EPCAM: variants seen among roughly 807,000 people sequenced by gnomAD.
EPCAM encodes the protein epithelial cell adhesion molecule.
Under a neutral mutation model 40.0 loss-of-function variants are expected in EPCAM, and 39 were observed. The observed-to-expected ratio is 0.98, with a 90% CI of 0.76 to 1.27. The LOEUF (loss-of-function observed/expected upper bound fraction) is 1.27. Among genes scored for constraint, EPCAM ranks in the 50% most tolerant of loss-of-function variants. The pLI is 0.00. For synonymous variants in EPCAM, 168 were observed against 132.3 expected, an observed-to-expected ratio of 1.27 and a Z score of -1.85; for missense variants, 503 against 381.2, an observed-to-expected ratio of 1.32 and a Z score of -2.66.
chr2:47,383,717 C>T (rs1021255082), intron 7 of EPCAM, among the ~76,000 whole-genome samples: 10 of 142,862 alleles, frequency 7.0e-5, no homozygotes, highest in Admixed American at 2.2e-4. Flanking sequence ...TCACTGCAAC[C>T]TCCATCTCCC....
intron 6 of EPCAM, 138 bp from the exon 7 acceptor site, chr2:47,379,631 A>G (rs1671527035): frequency 3.9e-6 from 4 of 1,021,288 alleles, no homozygotes; most frequent in Non-Finnish European, 5.7e-6. Flanking sequence ...TTAAAGTTCC[A>G]ATAAATTAGA....
At position 47,377,016 on chromosome 2, in the gene EPCAM, C is replaced by T. The variant is rs766261189; in HGVS notation, c.494C>T (p.Ala165Val). ...TACAGATTTTAAATTCTTTACAGTG[C>T]ACTTCAGAAGGAGATCACAACGCGT... ...KPYDSKSLRT[A>V]LQKEITTRYQ... Residue 165 changes from alanine to valine, a missense_variant and splice_region_variant, in exon 5 of 9, where the codon GCA (alanine) becomes GTA (valine). Coordinates refer to ENST00000263735, the MANE Select transcript of EPCAM (RefSeq NM_002354.3). 1 of 1,600,270 alleles carries T rather than the reference C, an allele frequency of 6.2e-7. No homozygotes were observed. Among genetic ancestry groups the T allele is most frequent in the Admixed American group, 1.7e-5 (1 of 59,978 alleles).
At chr2:47,375,561 A>G (rs982583276) in intron 4 of EPCAM, among the ~76,000 whole-genome samples, 7 of 152,172 alleles carry the variant, frequency 4.6e-5, no homozygotes, top group African/African-American at 1.7e-4. Flanking sequence ...GTATCTATGC[A>G]TGTATAAATA....
At position 47,375,240 on chromosome 2, in the gene EPCAM, C is replaced by T. The variant is rs2103749994; in HGVS notation, c.432C>T (p.Ile144=). 5 of 1,607,554 alleles carry T rather than the reference C, an allele frequency of 3.1e-6. No homozygotes were observed. Among genetic ancestry groups the T allele is most frequent in the Non-Finnish European group, 4.3e-6 (5 of 1,174,292 alleles). The change falls in exon 4 of 9, where the codon ATC becomes ATT. Residue 144 remains isoleucine, a synonymous_variant. Transcript: ENST00000263735. ...TCSERVRTYW[I]IIELKHKARE... ...TTGTCTTTTTACTTTATAGCTGGAT[C>T]ATCATTGAACTAAAACACAAAGCAA...
At chr2:47,377,535 C>A (rs1472431343) in intron 5 of EPCAM, 1 of 241,088 alleles carries the variant, frequency 4.1e-6, no homozygotes, top group East Asian at 1.2e-4. Context: ...CCACGCCCGG[C>A]CCATTGTTTT....
intron 7 of EPCAM, among the ~76,000 whole-genome samples, chr2:47,383,728 A>G (rs1425489832): frequency 2.2e-5 from 3 of 136,988 alleles, no homozygotes; most frequent in Admixed American, 8.0e-5. Context: ...TCCATCTCCC[A>G]GGTTCAAGCC....
At chr2:47,370,536 A>C (rs889535197) in intron 1 of EPCAM, among the ~76,000 whole-genome samples, 1 of 150,976 alleles carries the variant, frequency 6.6e-6, no homozygotes, top group Admixed American at 6.6e-5. Flanking sequence ...CGGCCTCCCA[A>C]AGTGCTGTGA....
chr2:47,373,223 A>C (rs940687063), intron 1 of EPCAM, among the ~76,000 whole-genome samples: 1 of 150,164 alleles, frequency 6.7e-6, no homozygotes, highest in Non-Finnish European at 1.5e-5. Flanking sequence ...AAAAAAAAAA[A>C]AAAAAAAAAA....
At position 47,386,907 on chromosome 2, in the gene EPCAM, T is replaced by C. The variant is rs1349002874; in HGVS notation, c.*294T>C. On this transcript the variant is annotated 3_prime_UTR_variant, in exon 9 of 9. Transcript: ENST00000263735. ...TTCAAATGTGTGCATTAAATATGCT[T>C]CCACAGTAAAATCTGAAAAACTGAT... 2 of 285,866 alleles carry C rather than the reference T, an allele frequency of 7.0e-6. No homozygotes were observed. The highest frequency in any genetic ancestry group is 1.3e-5 in the Non-Finnish European group (2 of 153,246). 17.7% of individuals were successfully genotyped at this position (285,866 alleles called of 1,614,324 possible). A position where few individuals can be genotyped will look rare whatever the true frequency, so the allele number is the denominator to read the frequency against.
intron 1 of EPCAM, among the ~76,000 whole-genome samples, chr2:47,371,078 C>T (rs74674972): frequency 6.6e-6 from 1 of 152,176 alleles, no homozygotes; most frequent in Non-Finnish European, 1.5e-5. Flanking sequence ...CTCCTGGGCT[C>T]AAGTGATCAC....
intron 7 of EPCAM, 26 bp downstream of exon 7, chr2:47,379,995 A>T: frequency 1.3e-6 from 2 of 1,584,808 alleles, no homozygotes; most frequent in South Asian, 2.3e-5. Flanking sequence ...GTAAAATTTC[A>T]TTTAAGGGTA....
intron 8 of EPCAM, 71 bp downstream of exon 8, chr2:47,385,281 C>A: frequency 8.3e-7 from 1 of 1,206,894 alleles, no homozygotes; most frequent in Non-Finnish European, 1.2e-6. Context: ...TACCTTCCTA[C>A]ACACTGATGC....
rs1228124530 is a variant in EPCAM, at chr2:47,375,899, T to A, written c.491+600T>A. Among the ~76,000 whole-genome samples the A allele has an allele frequency of 6.6e-5, 10 of 152,088 alleles. No individual in the cohort carries two copies. In the East Asian group the frequency reaches 1.7e-3, roughly 26 times the overall value. ...TTTTGTAGTTTTAGTAGAAACAGGG[T>A]TTCACCATATTGGCCAGGCTGGTCT... On this transcript the variant is annotated intron_variant, in intron 4 of 8. Coordinates refer to ENST00000263735, the MANE Select transcript of EPCAM (RefSeq NM_002354.3).
rs989081426 is a variant in EPCAM, at chr2:47,379,462, A to G, written c.658-307A>G. ...TGCTGAAATATGAGGTTTGCTTCAA[A>G]ATAATCTGGGCGGGGGTGAAAGGAT... On this transcript the variant is annotated intron_variant, in intron 6 of 8. Coordinates refer to ENST00000263735, the MANE Select transcript of EPCAM (RefSeq NM_002354.3). Among the ~76,000 whole-genome samples the G allele has an allele frequency of 2.0e-5, 3 of 152,186 alleles. 1 individual carries two copies. In the East Asian group the frequency reaches 5.8e-4, roughly 29 times the overall value.
intron 8 of EPCAM, 102 bp downstream of exon 8, chr2:47,385,312 C>G (rs1194007038): frequency 3.2e-6 from 3 of 948,648 alleles, no homozygotes; most frequent in Admixed American, 1.7e-5. Context: ...TACTGGAGTC[C>G]CTTTATACTG....
Position 47,381,090 on chromosome 2 carries a change from A to T in EPCAM, c.858+1121A>T, listed in dbSNP as rs1438561249. On this transcript the variant is annotated intron_variant, in intron 7 of 8. Transcript: ENST00000263735. ...GACAGAGCAAGACTCTGTCTCAAAA[A>T]AAAAAAAAAAAAAAAAAAAAAAAAG... is the stretch of plus-strand genomic sequence containing the variant. Among the ~76,000 whole-genome samples the T allele has an allele frequency of 1.7e-4, 11 of 65,574 alleles. No individual in the cohort carries two copies. In the East Asian group the frequency reaches 9.5e-3, roughly 56 times the overall value. The allele number at this position is 65,574 out of a possible 152,430, so 43.0% of individuals were successfully genotyped here.
chr2:47,374,457 T>C lies in EPCAM; in HGVS notation c.425+409T>C, dbSNP rs191350942. ...TGAGATATGCTTGTTTTAGGGATTG[T>C]TTAATGAAAAGGCACAGAAACCCAC... is the stretch of plus-strand genomic sequence containing the variant. On this transcript the variant is annotated intron_variant, in intron 3 of 8. Coordinates refer to ENST00000263735, the MANE Select transcript of EPCAM (RefSeq NM_002354.3). Among the ~76,000 whole-genome samples, 129 of 152,244 alleles carry C rather than the reference T, an allele frequency of 8.5e-4. 1 individual carries two copies. The highest frequency in any genetic ancestry group is 2.9e-3 in the African/African-American group (122 of 41,566).
At chr2:47,372,002 A>C (rs4953497) in intron 1 of EPCAM, among the ~76,000 whole-genome samples, 15,878 of 152,134 alleles carry the variant, frequency 0.1, 971 homozygotes, top group East Asian at 0.25. Flanking sequence ...TAACTAGACA[A>C]AAGGAATTAG....
rs2103747143 is a variant in EPCAM at position 47,373,860 on chromosome 2, G to A, written c.237G>A (p.Gly79=). ...MKAEMNGSKL[G]RRAKPEGALQ... The stretch of plus-strand genomic sequence containing the variant: ...CAGAAATGAATGGCTCAAAACTTGG[G>A]AGAAGAGCAAAACCTGAAGGGGCCC... Residue 79 remains glycine (G), a synonymous_variant, in exon 3 of 9, where the codon GGG becomes GGA. Transcript: ENST00000263735. 2 of 1,614,106 alleles carry A rather than the reference G, an allele frequency of 1.2e-6. No individual in the cohort carries two copies. Among genetic ancestry groups the A allele is most frequent in the Non-Finnish European group, 1.7e-6 (2 of 1,180,032 alleles).
Sources: gnomAD v4.1 joint callset for allele counts (sites outside exome capture counted in the v4.1 genomes callset) on GRCh38, gnomAD v4.1.1 for gene constraint, MANE v1.5 for transcripts, NCBI Gene and HGNC (gene_info 2026-07-23, HGNC 2026-07-21) for gene names.